Variants in ZNF407 observed in about 807,000 individuals in gnomAD.
The protein encoded by ZNF407 is zinc finger protein 407.
ZNF407 carries 17 observed loss-of-function variants against 131.2 expected under a neutral mutation model. The observed-to-expected ratio is 0.13, with a 90% CI of 0.09 to 0.19. ZNF407 has a LOEUF of 0.19. Among genes scored for constraint, ZNF407 ranks in the 10% least tolerant of loss-of-function variants. The pLI, the probability that ZNF407 is intolerant of heterozygous loss-of-function variation, is 1.00. For missense variants in ZNF407, 2,681 were observed against 2,830.6 expected (o/e 0.95, Z 1.20); for synonymous variants, 1,156 against 1,062.0 (o/e 1.09, Z -1.72).
intron 4 of ZNF407, among the ~76,000 whole-genome samples, chr18:74,795,890 G>A (rs1969909538): frequency 6.6e-6 from 1 of 152,234 alleles, no homozygotes; most frequent in African/African-American, 2.4e-5. Flanking sequence ...GTGTTATAGA[G>A]CCATTATATA....
chr18:74,865,783 A>C (rs1033129849), intron 4 of ZNF407, among the ~76,000 whole-genome samples: 7 of 152,234 alleles, frequency 4.6e-5, no homozygotes, highest in African/African-American at 1.7e-4. Context: ...TTTTAAAAAT[A>C]AATTTCTTTT....
At chr18:74,684,901 C>G (rs1199850699) in intron 3 of ZNF407, among the ~76,000 whole-genome samples, 1 of 151,968 alleles carries the variant, frequency 6.6e-6, no homozygotes, top group Admixed American at 6.6e-5. Flanking sequence ...ATGTGTTTGA[C>G]TATAAACCTA....
At chr18:74,743,728 T>G (rs986329435) in intron 3 of ZNF407, among the ~76,000 whole-genome samples, 6 of 152,154 alleles carry the variant, frequency 3.9e-5, no homozygotes, top group African/African-American at 1.4e-4. Flanking sequence ...CTCTAGAACA[T>G]TTTCTTTTCT....
intron 8 of ZNF407, among the ~76,000 whole-genome samples, chr18:74,923,199 A>C (rs1180596328): frequency 1.1e-4 from 17 of 152,288 alleles, no homozygotes. Context: ...TTGTTGTCAG[A>C]TAAGAAACAC....
intron 7 of ZNF407, among the ~76,000 whole-genome samples, chr18:74,900,009 C>T (rs766515051): frequency 1.3e-5 from 2 of 152,172 alleles, no homozygotes; most frequent in Non-Finnish European, 2.9e-5. Flanking sequence ...TGCGTGCTGT[C>T]TTTGTGTTGG....
chr18:74,719,270 A>G (rs1967968881), intron 3 of ZNF407, among the ~76,000 whole-genome samples: 1 of 152,080 alleles, frequency 6.6e-6, no homozygotes, highest in African/African-American at 2.4e-5. Context: ...AACACTAGAA[A>G]GAGTTCCTCC....
chr18:74,767,649 C>CTTT (rs71905017), intron 3 of ZNF407, among the ~76,000 whole-genome samples: 23 of 84,416 alleles, frequency 2.7e-4, no homozygotes, highest in African/African-American at 1.1e-3. Context: ...TCTGAATTCT[C>CTTT]TTTTTTTTTT....
intron 8 of ZNF407, among the ~76,000 whole-genome samples, chr18:74,991,802 G>C (rs1972721881): frequency 6.6e-6 from 1 of 152,156 alleles, no homozygotes; most frequent in Admixed American, 6.5e-5. Flanking sequence ...CTCAGCATTT[G>C]AAAACTAATG....
intron 4 of ZNF407, among the ~76,000 whole-genome samples, chr18:74,781,712 A>G (rs1021134743): frequency 7.9e-5 from 12 of 152,142 alleles, no homozygotes; most frequent in Admixed American, 2.6e-4. Flanking sequence ...AGTAGTTGAA[A>G]GCATTTGGAG....
At chr18:74,831,800 G>A (rs535442978) in intron 4 of ZNF407, among the ~76,000 whole-genome samples, 9 of 152,216 alleles carry the variant, frequency 5.9e-5, no homozygotes, top group Admixed American at 1.3e-4. Flanking sequence ...TATACCTGAT[G>A]CCACATGCCA....
At chr18:75,015,729 A>G (rs555160578) in intron 8 of ZNF407, among the ~76,000 whole-genome samples, 7 of 151,754 alleles carry the variant, frequency 4.6e-5, no homozygotes. Context: ...ATTTACTGCT[A>G]TAGTTCTCAT....
At chr18:74,806,542 T>C (rs1386321193) in intron 4 of ZNF407, among the ~76,000 whole-genome samples, 1 of 152,154 alleles carries the variant, frequency 6.6e-6, no homozygotes, top group African/African-American at 2.4e-5. Flanking sequence ...AAAGCAGATA[T>C]GATAAGATGT....
chr18:74,915,961 T>C (rs113478151), intron 7 of ZNF407, among the ~76,000 whole-genome samples: 1 of 746 alleles, frequency 1.3e-3, no homozygotes. Flanking sequence ...TTGTGTGCAG[T>C]ATTGGTTCGA....
At chr18:74,922,094 C>T (rs150092080) in intron 8 of ZNF407, among the ~76,000 whole-genome samples, 35 of 152,350 alleles carry the variant, frequency 2.3e-4, no homozygotes, top group African/African-American at 7.5e-4. Flanking sequence ...GGTCTCTGCT[C>T]ATTCCCTTTT....
At position 74,633,670 on chromosome 18, in the gene ZNF407, G is replaced by C. The variant is rs758702590; in HGVS notation, c.2651G>C (p.Cys884Ser). The part of the protein sequence containing the change: ...SHQYSYLCKV[C>S]KYYTVTKGDM... ...CAGTATAGTTATTTATGCAAAGTGT[G>C]TAAGTATTACACTGTAACTAAGGGA... is the stretch of plus-strand genomic sequence containing the variant. Residue 884 changes from cysteine (C) to serine (S), a missense_variant, in exon 2 of 9, where the codon TGT (cysteine) becomes TCT (serine). Transcript: ENST00000299687. 1 of 1,614,006 alleles carries C rather than the reference G, an allele frequency of 6.2e-7. No individual in the cohort carries two copies. Among genetic ancestry groups the C allele is most frequent in the South Asian group, 1.1e-5 (1 of 91,084 alleles).
intron 6 of ZNF407, among the ~76,000 whole-genome samples, chr18:74,882,116 G>C (rs1313807177): frequency 6.6e-6 from 1 of 152,184 alleles, no homozygotes; most frequent in South Asian, 2.1e-4. Context: ...TGAGATTTGG[G>C]TGGCAACACA....
chr18:74,750,147 A>G (rs550263408), intron 3 of ZNF407, among the ~76,000 whole-genome samples: 132 of 152,278 alleles, frequency 8.7e-4, no homozygotes, highest in Middle Eastern at 3.4e-3. Flanking sequence ...CTTCTCATGG[A>G]AATCCTAGTT....
chr18:74,885,023 G>T (rs1463971591), intron 6 of ZNF407, among the ~76,000 whole-genome samples: 1 of 152,120 alleles, frequency 6.6e-6, no homozygotes, highest in East Asian at 1.9e-4. Context: ...CACTTAGATT[G>T]AATGGAATAA....
At chr18:74,621,028 G>T (rs1336052841) in intron 1 of ZNF407, among the ~76,000 whole-genome samples, 1 of 151,974 alleles carries the variant, frequency 6.6e-6, no homozygotes, top group Non-Finnish European at 1.5e-5. Context: ...CAAAATGAGC[G>T]GATTTTTCAG....
Sources: allele counts gnomAD v4.1 joint callset (sites outside exome capture counted in the v4.1 genomes callset), GRCh38; gene constraint gnomAD v4.1.1; transcripts MANE v1.5; gene names NCBI Gene and HGNC (gene_info 2026-07-23, HGNC 2026-07-21).